ACOXL: variants seen among roughly 807,000 people sequenced by gnomAD.
ACOXL encodes the protein acyl-CoA oxidase like, also known as acyl-coenzyme A oxidase-like protein.
ACOXL carries 70 observed loss-of-function variants against 71.9 expected under a neutral mutation model. The ratio of observed to expected loss-of-function variants is 0.97; its 90% CI spans 0.80 to 1.19. The LOEUF is 1.19. Ranked by LOEUF, ACOXL falls within the 50% of genes most tolerant of loss-of-function variation. The pLI, the probability that ACOXL is intolerant of heterozygous loss-of-function variation, is 0.00. For missense variants in ACOXL, 703 were observed against 736.3 expected (o/e 0.95, Z 0.52); for synonymous variants, 253 against 281.6 (o/e 0.90, Z 1.02).
At chr2:111,060,087 C>T (rs1356955580) in intron 16 of ACOXL, among the ~76,000 whole-genome samples, 1 of 152,186 alleles carries the variant, frequency 6.6e-6, no homozygotes, top group Non-Finnish European at 1.5e-5. Flanking sequence ...GGCAATGCAA[C>T]CTCACCACTA....
intron 14 of ACOXL, among the ~76,000 whole-genome samples, chr2:111,018,799 T>G (rs976055170): frequency 2.0e-5 from 3 of 150,870 alleles, no homozygotes; most frequent in African/African-American, 4.9e-5. Context: ...CATAGTGGAG[T>G]TGGAGACACA....
intron 8 of ACOXL, among the ~76,000 whole-genome samples, chr2:110,804,422 A>G (rs1034601317): frequency 1.3e-5 from 2 of 152,196 alleles, no homozygotes; most frequent in Non-Finnish European, 2.9e-5. Flanking sequence ...CCGTTCCTCA[A>G]AAGTGTAAAG....
At chr2:111,089,298 A>AAAAC (rs368776745) in intron 16 of ACOXL, among the ~76,000 whole-genome samples, 1,907 of 152,142 alleles carry the variant, frequency 0.013, 35 homozygotes, top group African/African-American at 0.041. Flanking sequence ...CTCCGTCTCA[A>AAAAC]AAACAAACAA....
intron 2 of ACOXL, among the ~76,000 whole-genome samples, chr2:110,770,584 A>C (rs936517565): frequency 6.6e-6 from 1 of 152,236 alleles, no homozygotes; most frequent in East Asian, 1.9e-4. Context: ...AAATCATTTC[A>C]TACCAAGTAG....
intron 2 of ACOXL, among the ~76,000 whole-genome samples, chr2:110,774,716 A>C (rs1477177837): frequency 2.6e-5 from 4 of 152,224 alleles, no homozygotes; most frequent in African/African-American, 9.6e-5. Context: ...GAATTGGAAG[A>C]CCTCATATTG....
intron 12 of ACOXL, among the ~76,000 whole-genome samples, chr2:110,957,901 A>G (rs1176367452): frequency 6.6e-6 from 1 of 151,952 alleles, no homozygotes; most frequent in Non-Finnish European, 1.5e-5. Flanking sequence ...TACTAAAAAT[A>G]CAAAAAAAAA....
chr2:110,771,906 C>T (rs1681990797), intron 2 of ACOXL, among the ~76,000 whole-genome samples: 1 of 152,220 alleles, frequency 6.6e-6, no homozygotes. Flanking sequence ...TACTTTGTGG[C>T]AGTGTCTTGT....
At chr2:110,999,540 C>G (rs1190450155) in intron 14 of ACOXL, among the ~76,000 whole-genome samples, 1 of 152,208 alleles carries the variant, frequency 6.6e-6, no homozygotes, top group Admixed American at 6.5e-5. Context: ...CCAAGAATCC[C>G]ACCTCCTGAT....
intron 1 of ACOXL, among the ~76,000 whole-genome samples, chr2:110,741,977 A>T (rs1677606274): frequency 6.6e-6 from 1 of 152,200 alleles, no homozygotes; most frequent in Admixed American, 6.5e-5. Flanking sequence ...CCTGCAAGGG[A>T]TAGAATTCTT....
At chr2:110,979,277 C>T (rs1039160780) in intron 12 of ACOXL, among the ~76,000 whole-genome samples, 7 of 152,146 alleles carry the variant, frequency 4.6e-5, no homozygotes, top group African/African-American at 1.7e-4. Flanking sequence ...ACAGCTGGGG[C>T]CTGTCTGCCC....
At chr2:111,073,459 A>G (rs1020364090) in intron 16 of ACOXL, among the ~76,000 whole-genome samples, 2 of 152,184 alleles carry the variant, frequency 1.3e-5, no homozygotes, top group African/African-American at 2.4e-5. Context: ...AGGTCAAGAT[A>G]TGCTTATCTT....
At chr2:111,032,862 C>T (rs2065338997) in intron 15 of ACOXL, among the ~76,000 whole-genome samples, 1 of 152,218 alleles carries the variant, frequency 6.6e-6, no homozygotes, top group African/African-American at 2.4e-5. Context: ...ACTATACCTG[C>T]AGGAATGTGT....
intron 10 of ACOXL, chr2:110,886,659 T>C (rs1054889138): frequency 4.4e-5 from 57 of 1,293,274 alleles, no homozygotes; most frequent in Non-Finnish European, 6.1e-5. Flanking sequence ...GATTACAGGC[T>C]TGAGCCACTG....
intron 14 of ACOXL, among the ~76,000 whole-genome samples, chr2:111,021,045 G>A (rs1333994333): frequency 6.6e-6 from 1 of 152,106 alleles, no homozygotes; most frequent in Non-Finnish European, 1.5e-5. Context: ...GCACCTCAGG[G>A]GCACGCCTCC....
chr2:110,822,094 A>T (rs944679842), intron 9 of ACOXL, among the ~76,000 whole-genome samples: 1 of 152,064 alleles, frequency 6.6e-6, no homozygotes, highest in Non-Finnish European at 1.5e-5. Context: ...GGTTCCTTTT[A>T]TTAAAGAATG....
intron 9 of ACOXL, among the ~76,000 whole-genome samples, chr2:110,835,920 G>C (rs755380977): frequency 2.6e-5 from 4 of 152,096 alleles, no homozygotes; most frequent in African/African-American, 9.7e-5. Flanking sequence ...AAAGTTAATC[G>C]GCCTAAAACA....
intron 11 of ACOXL, among the ~76,000 whole-genome samples, chr2:110,931,074 C>G (rs985882353): frequency 1.3e-5 from 2 of 152,202 alleles, no homozygotes; most frequent in Non-Finnish European, 2.9e-5. Flanking sequence ...AATTTTGCCT[C>G]AAGAATCCCT....
At chr2:111,047,693 G>T (rs1302353363) in intron 15 of ACOXL, among the ~76,000 whole-genome samples, 1 of 152,208 alleles carries the variant, frequency 6.6e-6, no homozygotes, top group Admixed American at 6.5e-5. Flanking sequence ...ACAAGTTTCT[G>T]CTGAGCCACT....
chr2:111,039,867 G>A (rs1258249695), intron 15 of ACOXL, among the ~76,000 whole-genome samples: 1 of 152,212 alleles, frequency 6.6e-6, no homozygotes, highest in African/African-American at 2.4e-5. Flanking sequence ...AATCATGCAA[G>A]TAGGTTAGTC....
Sources: gnomAD v4.1 joint callset for allele counts (sites outside exome capture counted in the v4.1 genomes callset) on GRCh38, gnomAD v4.1.1 for gene constraint, MANE v1.5 for transcripts, NCBI Gene and HGNC (gene_info 2026-07-23, HGNC 2026-07-21) for gene names.